Variants in KAZN observed in about 807,000 individuals in gnomAD.
KAZN encodes the protein kazrin.
In KAZN, 40 loss-of-function variants were observed where a neutral mutation model predicts 87.4. That is an observed-to-expected ratio of 0.46 (90% CI 0.36 to 0.60). The LOEUF is 0.60. Among genes scored for constraint, KAZN ranks in the 20% least tolerant of loss-of-function variants. The pLI, the probability that KAZN is intolerant of heterozygous loss-of-function variation, is 0.00. For missense variants in KAZN, 898 were observed against 1,073.9 expected (o/e 0.84, Z 2.29); for synonymous variants, 466 against 458.3 (o/e 1.02, Z -0.22).
intron 2 of KAZN, among the ~76,000 whole-genome samples, chr1:14,480,278 G>T (rs114035051): frequency 2.7e-4 from 41 of 152,304 alleles, no homozygotes; most frequent in Middle Eastern, 6.8e-3. Flanking sequence ...TGGGCTCTGC[G>T]CATATGCAGG....
intron 1 of KAZN, among the ~76,000 whole-genome samples, chr1:13,987,897 A>G (rs1381849637): frequency 6.6e-6 from 1 of 152,216 alleles, no homozygotes; most frequent in African/African-American, 2.4e-5. Flanking sequence ...GAGGCCAGTC[A>G]GTTCAAAATT....
chr1:14,227,443 C>T (rs1209559454), intron 2 of KAZN, among the ~76,000 whole-genome samples: 2 of 152,182 alleles, frequency 1.3e-5, no homozygotes, highest in African/African-American at 4.8e-5. Context: ...ACTCACTCAC[C>T]TGGCTCCTTG....
intron 1 of KAZN, among the ~76,000 whole-genome samples, chr1:14,698,317 G>A (rs1641728248): frequency 6.6e-6 from 1 of 152,144 alleles, no homozygotes; most frequent in Non-Finnish European, 1.5e-5. Flanking sequence ...CCCAGGGGTG[G>A]AGACCCAGGT....
At chr1:14,189,377 A>G (rs1646377338) in intron 2 of KAZN, among the ~76,000 whole-genome samples, 1 of 152,154 alleles carries the variant, frequency 6.6e-6, no homozygotes. Context: ...ATTGATACTG[A>G]GAATCATGGC....
At chr1:14,762,703 T>TCTAGCTCTA (rs1644774704) in intron 1 of KAZN, among the ~76,000 whole-genome samples, 1 of 150,144 alleles carries the variant, frequency 6.7e-6, no homozygotes, top group Non-Finnish European at 1.5e-5. Flanking sequence ...CTAGCCTGGG[T>TCTAGCTCTA]GACAGAGCAA....
intron 4 of KAZN, among the ~76,000 whole-genome samples, chr1:15,050,218 T>TAGAAC (rs1399201809): frequency 2.6e-4 from 38 of 148,008 alleles, no homozygotes; most frequent in Non-Finnish European, 4.5e-4. Flanking sequence ...TAGAATAGAA[T>TAGAAC]AGAACCTTCC....
At chr1:14,257,959 TAA>T (rs1168366132) in intron 2 of KAZN, among the ~76,000 whole-genome samples, 44 of 28,738 alleles carry the variant, frequency 1.5e-3, no homozygotes, top group Admixed American at 4.0e-3. Flanking sequence ...AAAAAAACAT[TAA>T]AAAAAAAAAA....
chr1:14,780,711 A>G (rs945664965), intron 1 of KAZN, among the ~76,000 whole-genome samples: 1 of 152,210 alleles, frequency 6.6e-6, no homozygotes. Context: ...AGTGCTCAGC[A>G]TGGCACCTGG....
intron 2 of KAZN, among the ~76,000 whole-genome samples, chr1:14,428,532 C>T (rs935801921): frequency 6.6e-6 from 1 of 152,072 alleles, no homozygotes; most frequent in Non-Finnish European, 1.5e-5. Flanking sequence ...ATCTGAAAAG[C>T]CTTTAAATTA....
intron 2 of KAZN, among the ~76,000 whole-genome samples, chr1:14,551,515 A>G (rs1362250865): frequency 6.6e-6 from 1 of 152,206 alleles, no homozygotes; most frequent in Non-Finnish European, 1.5e-5. Flanking sequence ...AAAGCACTCA[A>G]TAAATATCTG....
At chr1:14,867,569 C>G (rs560562455) in intron 1 of KAZN, among the ~76,000 whole-genome samples, 2 of 152,118 alleles carry the variant, frequency 1.3e-5, no homozygotes, top group Non-Finnish European at 2.9e-5. Flanking sequence ...CTCGCAAGGA[C>G]GCCGAGAGGA....
chr1:14,114,362 C>G (rs910392393), intron 1 of KAZN, among the ~76,000 whole-genome samples: 2 of 151,964 alleles, frequency 1.3e-5, no homozygotes, highest in African/African-American at 4.8e-5. Context: ...CCTGGGGATC[C>G]CTGGGGAGGC....
At chr1:14,342,761 T>C (rs1295307013) in intron 2 of KAZN, among the ~76,000 whole-genome samples, 1 of 152,162 alleles carries the variant, frequency 6.6e-6, no homozygotes, top group Non-Finnish European at 1.5e-5. Context: ...AGAAACACCT[T>C]GTGGGGGCCA....
At chr1:14,445,801 G>A (rs183197909) in intron 2 of KAZN, among the ~76,000 whole-genome samples, 1 of 152,118 alleles carries the variant, frequency 6.6e-6, no homozygotes, top group Non-Finnish European at 1.5e-5. Flanking sequence ...AGGGAGCCGG[G>A]GTATTCACCT....
Position 15,066,138 on chromosome 1 carries a change from GGTTT to G in KAZN, c.1222+390_1222+393del, listed in dbSNP as rs1375327280. The G allele has an allele frequency of 2.8e-6, 3 of 1,061,400 alleles. No individual in the cohort carries two copies. The African/African-American group carries it at 5.0e-5, about 18-fold the overall frequency. The allele number at this position is 1,061,400 out of a possible 1,614,324, so 65.7% of individuals were successfully genotyped here. ...TCTTTTTCTTTTTGTTTGGTTCGTC[GGTTT>G]GTTTTTGTTTTTGTTTTTTTCCCCC... On this transcript the variant is annotated intron_variant, in intron 8 of 14. Coordinates refer to ENST00000376030, the MANE Select transcript of KAZN (RefSeq NM_201628.3). The surrounding 1 kb of genome is among the most constrained non-coding windows in gnomAD (Gnocchi z 4.3).
At chr1:14,871,002 G>T (rs555816413) in intron 1 of KAZN, among the ~76,000 whole-genome samples, 1 of 152,306 alleles carries the variant, frequency 6.6e-6, no homozygotes, top group African/African-American at 2.4e-5. Flanking sequence ...GGGCCTGGAG[G>T]CTTCCATCCT....
At chr1:14,517,633 A>C (rs1483001213) in intron 2 of KAZN, among the ~76,000 whole-genome samples, 1 of 152,228 alleles carries the variant, frequency 6.6e-6, no homozygotes, top group Non-Finnish European at 1.5e-5. Context: ...AATCATGAGA[A>C]ACACCTTAGA....
chr1:14,445,078 T>C (rs1480661840), intron 2 of KAZN, among the ~76,000 whole-genome samples: 1 of 151,030 alleles, frequency 6.6e-6, no homozygotes, highest in Non-Finnish European at 1.5e-5. Flanking sequence ...CAGGCTGGAG[T>C]GCAGTGGCGT....
At position 14,598,714 on chromosome 1, in the gene KAZN, G is replaced by A. The variant is rs1676683476; in HGVS notation, c.-284G>A. The A allele has an allele frequency of 1.5e-6, 2 of 1,315,384 alleles. No homozygotes were observed. The highest frequency in any genetic ancestry group is 1.9e-6 in the Non-Finnish European group (2 of 1,040,446). 81.5% of individuals were successfully genotyped at this position (1,315,384 alleles called of 1,614,324 possible). A position where few individuals can be genotyped will look rare whatever the true frequency, so the allele number is the denominator to read the frequency against. ...TTGGAGCAGCTCTCGGCGCCCGCCC[G>A]CCGGGGTCTCGGCGATCGCTGCTCC... is the stretch of plus-strand genomic sequence containing the variant. On this transcript the variant is annotated 5_prime_UTR_variant, in exon 1 of 15. Coordinates refer to ENST00000376030, the MANE Select transcript of KAZN (RefSeq NM_201628.3). The surrounding 1 kb of genome is among the most constrained non-coding windows in gnomAD (Gnocchi z 4.2).
Sources: gnomAD v4.1 joint callset for allele counts (sites outside exome capture counted in the v4.1 genomes callset) on GRCh38, gnomAD v4.1.1 for gene constraint, Gnocchi (gnomAD v3.1) non-coding constraint, MANE v1.5 for transcripts, NCBI Gene and HGNC (gene_info 2026-07-23, HGNC 2026-07-21) for gene names.